CFAP92: variants seen among roughly 807,000 people sequenced by gnomAD.
The protein encoded by CFAP92 is cilia and flagella associated protein 92 (putative).
In CFAP92, 86 loss-of-function variants were observed where a neutral mutation model predicts 106.3. The observed-to-expected ratio is 0.81, with a 90% CI of 0.68 to 0.97. The LOEUF (loss-of-function observed/expected upper bound fraction) is 0.97, where lower values mean the gene tolerates loss of function less well. Among genes scored for constraint, CFAP92 ranks in the 50% least tolerant of loss-of-function variants. CFAP92 has a pLI of 0.00. For synonymous variants in CFAP92, 477 were observed against 506.4 expected (o/e 0.94, Z 0.78); for missense variants, 1,204 against 1,283.8 (o/e 0.94, Z 0.95).
chr3:128,925,211 T>A (rs551252599), intron 12 of CFAP92, among the ~76,000 whole-genome samples: 90 of 152,364 alleles, frequency 5.9e-4, no homozygotes, highest in Non-Finnish European at 1.1e-3. Flanking sequence ...GGTTTGGGGA[T>A]GAAACTGTTC....
chr3:128,951,429 T>G (rs1940792858), intron 9 of CFAP92, among the ~76,000 whole-genome samples: 1 of 152,134 alleles, frequency 6.6e-6, no homozygotes. Context: ...CTTACAGAGT[T>G]CCTGTTCTGG....
chr3:128,981,399 C>T (rs1019522462), intron 4 of CFAP92, among the ~76,000 whole-genome samples: 1 of 151,258 alleles, frequency 6.6e-6, no homozygotes, highest in Admixed American at 6.6e-5. Context: ...GGCACAATTT[C>T]GGCTCACTGC....
intron 10 of CFAP92, among the ~76,000 whole-genome samples, chr3:128,938,335 G>T (rs1287383136): frequency 6.6e-6 from 1 of 152,080 alleles, no homozygotes; most frequent in Admixed American, 6.6e-5. Flanking sequence ...TTCATGAATT[G>T]TGTGAGCCAG....
intron 10 of CFAP92, among the ~76,000 whole-genome samples, chr3:128,936,604 G>A (rs985058450): frequency 4.6e-5 from 7 of 152,112 alleles, no homozygotes; most frequent in Non-Finnish European, 8.8e-5. Flanking sequence ...CCTGAAGCCA[G>A]TCTTATCTTA....
chr3:128,925,812 A>G (rs1375163097), intron 12 of CFAP92, among the ~76,000 whole-genome samples: 2 of 152,228 alleles, frequency 1.3e-5, no homozygotes, highest in Non-Finnish European at 2.9e-5. Flanking sequence ...GCAGCCAGAG[A>G]CAACCAAATT....
chr3:129,023,692 A>G, the CFAP92 span, among the ~76,000 whole-genome samples: 2 of 152,184 alleles, frequency 1.3e-5, no homozygotes, highest in African/African-American at 4.8e-5. Flanking sequence ...CTGGGTTTTC[A>G]TTATTGGTTA....
In CFAP92 at chr3:128,915,397, A is replaced by G. The variant is rs914245058; in HGVS notation, c.3083T>C (p.Phe1028Ser). The change falls in exon 14 of 16, where the codon TTT becomes TCT. Residue 1028 changes from phenylalanine (F) to serine (S), a missense_variant. By Grantham distance (155) the Phe-to-Ser change is radical. Transcript: ENST00000645291. Reference sequence around the variant, plus strand: ...GATGGGTGGCAGCTTGAGATCCTGAAAGCTGCTTTCGGTGTCGCTCTGAAG... The same window carrying G: ...GATGGGTGGCAGCTTGAGATCCTGAGAGCTGCTTTCGGTGTCGCTCTGAAG... ...TGLQSDTESS[F>S]QDLKLPPIKE... 7.8e-6 allele frequency: 12 copies of G among 1,535,874 alleles called. No individual in the cohort carries two copies. The African/African-American group carries it at 1.6e-4, about 21-fold the overall frequency.
the CFAP92 span, among the ~76,000 whole-genome samples, chr3:129,008,289 T>C: frequency 6.6e-6 from 1 of 152,238 alleles, no homozygotes; most frequent in Non-Finnish European, 1.5e-5. Flanking sequence ...GGGAGTCTCC[T>C]TCTGTAACTC....
At chr3:128,974,902 C>T (rs756030505) in intron 7 of CFAP92, among the ~76,000 whole-genome samples, 6 of 151,142 alleles carry the variant, frequency 4.0e-5, no homozygotes, top group Non-Finnish European at 8.8e-5. Flanking sequence ...GGGCAGATCA[C>T]GAGGTCAGGA....
rs762458764 is a variant in CFAP92, at chr3:128,910,136, A to G, written c.*163T>C. 8.7e-6 allele frequency: 14 copies of G among 1,613,886 alleles called. No homozygotes were observed. Among genetic ancestry groups the G allele is most frequent in the South Asian group, 4.4e-5 (4 of 91,080 alleles). ...CGCTCCATCCGCATTGGGCTCCGCA[A>G]CCACGACCACGAGGTGAGCCCAGCC... is the stretch of plus-strand genomic sequence containing the variant. On this transcript the variant is annotated 3_prime_UTR_variant, in exon 16 of 16. Transcript: ENST00000645291.
At chr3:128,920,220 A>G (rs1353369570) in intron 12 of CFAP92, among the ~76,000 whole-genome samples, 1 of 152,186 alleles carries the variant, frequency 6.6e-6, no homozygotes, top group Non-Finnish European at 1.5e-5. Flanking sequence ...CCTAACCAAC[A>G]TGGTGAAACC....
chr3:128,976,944 C>A, intron 6 of CFAP92, 35 bp downstream of exon 6: 3 of 1,546,808 alleles, frequency 1.9e-6, no homozygotes, highest in Non-Finnish European at 2.7e-6. Context: ...AGAGGGGCTC[C>A]ACTCCCACCA....
At chr3:128,912,469 C>CAGA in intron 15 of CFAP92, 1 of 1,573,826 alleles carries the variant, frequency 6.4e-7, no homozygotes, top group Non-Finnish European at 8.7e-7. Flanking sequence ...TATCACGGTG[C>CAGA]AGAAAGATCA....
rs77426062 is a variant in CFAP92, at chr3:128,970,870, G to A, written c.1168+417C>T. ...GAGAAGTAAGTGATGTGTCACACGG[G>A]AAGTGCCTGCACCCAGAGGGGCTCA... is the stretch of plus-strand genomic sequence containing the variant. On this transcript the variant is annotated intron_variant, in intron 8 of 15. Coordinates refer to ENST00000645291, the MANE Select transcript of CFAP92 (RefSeq NM_001394090.1). 7.4e-3 allele frequency: 1,369 copies of A among 184,860 alleles called. 22 individuals carry two copies. Among genetic ancestry groups the A allele is most frequent in the African/African-American group, 0.03 (1,288 of 42,378 alleles). The allele number at this position is 184,860 out of a possible 1,614,324, so 11.5% of individuals were successfully genotyped here. A position where few individuals can be genotyped will look rare whatever the true frequency, so the allele number is the denominator to read the frequency against.
intron 11 of CFAP92, among the ~76,000 whole-genome samples, chr3:128,934,758 G>A (rs1040070605): frequency 7.2e-5 from 11 of 151,976 alleles, no homozygotes; most frequent in African/African-American, 2.4e-4. Context: ...CTCAAACTCC[G>A]GGGCTCAAGC....
rs777218460 is a variant in CFAP92, at chr3:128,945,304, G to C, written c.2025C>G (p.Ser675Arg). The change falls in exon 10 of 16, where the codon AGC (serine) becomes AGG (arginine). Residue 675 changes from serine (S) to arginine (R), a missense_variant. Physicochemically the swap from Ser to Arg is moderately radical, Grantham distance 110. Transcript: ENST00000645291. ...TGATCATGGTGATGTCCTGCAGCAG[G>C]CTGTGGAGCAGGGAGACCTTCTTAA... is the stretch of plus-strand genomic sequence containing the variant. ...FDFKKVSLLH[S>R]LLQDITMINA... 9 of 1,536,026 alleles carry C rather than the reference G, an allele frequency of 5.9e-6. No individual in the cohort carries two copies. Among genetic ancestry groups the C allele is most frequent in the Non-Finnish European group, 7.0e-6 (8 of 1,146,906 alleles).
At chr3:128,939,666 A>G (rs1265456978) in intron 10 of CFAP92, among the ~76,000 whole-genome samples, 2 of 151,990 alleles carry the variant, frequency 1.3e-5, no homozygotes, top group Non-Finnish European at 2.9e-5. Flanking sequence ...GTATCTACCA[A>G]TCCAGCGGTC....
chr3:128,939,296 G>A (rs1010757003), intron 10 of CFAP92, among the ~76,000 whole-genome samples: 12 of 151,958 alleles, frequency 7.9e-5, no homozygotes, highest in South Asian at 6.2e-4. Flanking sequence ...GCGCCACCAC[G>A]CCTGGCTAAC....
chr3:128,937,915 T>C (rs1247168543), intron 10 of CFAP92, among the ~76,000 whole-genome samples: 1 of 152,028 alleles, frequency 6.6e-6, no homozygotes, highest in East Asian at 1.9e-4. Flanking sequence ...ATACAAAAAA[T>C]TAGCTGAGCA....
Sources: gnomAD v4.1 joint callset for allele counts (sites outside exome capture counted in the v4.1 genomes callset) on GRCh38, gnomAD v4.1.1 for gene constraint, MANE v1.5 for transcripts, NCBI Gene and HGNC (gene_info 2026-07-23, HGNC 2026-07-21) for gene names.